The following ARID4B variants were observed in gnomAD, a reference collection of about 807,000 sequenced individuals.
ARID4B encodes the protein AT-rich interactive domain-containing protein 4B.
In ARID4B, 26 loss-of-function variants were observed where a neutral mutation model predicts 147.5. The ratio of observed to expected loss-of-function variants is 0.18; its 90% confidence interval spans 0.13 to 0.24. ARID4B has a LOEUF of 0.24. Ranked by LOEUF, ARID4B falls within the 10% of genes least tolerant of loss-of-function variation. ARID4B has a pLI of 1.00. For missense variants in ARID4B, 1,179 were observed against 1,511.5 expected (o/e 0.78, Z 3.65); for synonymous variants, 512 against 507.9 (o/e 1.01, Z -0.11).
At chr1:235,220,010 T>G in intron 15 of ARID4B, 42 bp from the exon 16 acceptor site, 1 of 1,333,862 alleles carries the variant, frequency 7.5e-7, no homozygotes, top group Non-Finnish European at 1.0e-6. Context: ...AAAGTAAAAA[T>G]TTTCAACCTA....
intron 2 of ARID4B, among the ~76,000 whole-genome samples, chr1:235,276,454 T>A (rs1001258272): frequency 6.6e-5 from 10 of 152,086 alleles, no homozygotes; most frequent in African/African-American, 2.2e-4. Context: ...ACATTTCTAC[T>A]CATATTTTTC....
chr1:235,168,799 ACG>A, intron 23 of ARID4B, 147 bp from the exon 24 acceptor site: 1 of 854,956 alleles, frequency 1.2e-6, no homozygotes, highest in Admixed American at 3.0e-5. Context: ...TCACAGTTCT[ACG>A]ATGTGAAGAA....
chr1:235,199,371 T>A (rs938757381), intron 17 of ARID4B, among the ~76,000 whole-genome samples: 7 of 152,204 alleles, frequency 4.6e-5, no homozygotes, highest in Non-Finnish European at 1.0e-4. Flanking sequence ...CATTTTTTTT[T>A]ACCTTGCCAA....
intron 3 of ARID4B, 39 bp downstream of exon 3, chr1:235,260,603 T>G: frequency 6.9e-7 from 1 of 1,447,906 alleles, no homozygotes; most frequent in Non-Finnish European, 9.4e-7. Context: ...ACATATCAAA[T>G]GCTGAACATA....
At chr1:235,193,851 T>C (rs1665292494) in intron 19 of ARID4B, among the ~76,000 whole-genome samples, 162 bp downstream of exon 19, 1 of 152,188 alleles carries the variant, frequency 6.6e-6, no homozygotes, top group Non-Finnish European at 1.5e-5. Flanking sequence ...ACATTTCTGG[T>C]TCCAAGAATT....
chr1:235,269,073 G>A (rs1251985838), intron 2 of ARID4B, among the ~76,000 whole-genome samples: 1 of 152,140 alleles, frequency 6.6e-6, no homozygotes, highest in Non-Finnish European at 1.5e-5. Flanking sequence ...TAAGATCTGT[G>A]TATTCCACAG....
intron 3 of ARID4B, 100 bp downstream of exon 3, chr1:235,260,542 A>G (rs1340406406): frequency 3.7e-6 from 3 of 816,144 alleles, no homozygotes; most frequent in Non-Finnish European, 3.7e-6. Context: ...CTTCACTCCT[A>G]GAAACTTATT....
At chr1:235,316,757 T>C (rs1057031046) in intron 2 of ARID4B, among the ~76,000 whole-genome samples, 7 of 152,008 alleles carry the variant, frequency 4.6e-5, no homozygotes, top group African/African-American at 1.7e-4. Context: ...AGCCGAGTGT[T>C]GCAGTGAGCT....
chr1:235,182,668 T>C lies in ARID4B; in HGVS notation c.2251A>G (p.Lys751Glu), dbSNP rs1420973188. The C allele has an allele frequency of 1.5e-5, 24 of 1,613,776 alleles. No homozygotes were observed. Among genetic ancestry groups the C allele is most frequent in the Non-Finnish European group, 1.9e-5 (23 of 1,180,028 alleles). ...LTNNRNDLISKEEQNSSSLLE... is the reference protein window; with the variant it reads ...LTNNRNDLISEEEQNSSSLLE... ...AAAGATGAACTGTTCTGTTCCTCCT[T>C]TGAAATAAGATCATTTCTGTTGTTG... The change falls in exon 20 of 24, where the codon AAG becomes GAG. Residue 751 changes from lysine (K) to glutamate (E), a missense_variant. Physicochemically the swap from Lys to Glu is moderately conservative, Grantham distance 56. Transcript: ENST00000264183.
intron 5 of ARID4B, among the ~76,000 whole-genome samples, chr1:235,255,269 ATCTCTCTCTC>A (rs58782902): frequency 7.6e-6 from 1 of 131,616 alleles, no homozygotes; most frequent in African/African-American, 2.8e-5. Flanking sequence ...ATAGATATAT[ATCTCTCTCTC>A]TCTCTCTCTA....
At chr1:235,196,198 A>G in intron 17 of ARID4B, 83 bp from the exon 18 acceptor site, 1 of 649,606 alleles carries the variant, frequency 1.5e-6, no homozygotes. Context: ...AAACTCATAT[A>G]GAATCTTGAC....
chr1:235,193,990 A>C lies in ARID4B; in HGVS notation c.2125+23T>G, dbSNP rs770558704. On this transcript the variant is annotated intron_variant, in intron 19 of 23. Transcript: ENST00000264183. ...ATAAATTAAAATCAAATACTTGCAC[A>C]ACAGAACGATTGTTATGTTTACCTT... The C allele has an allele frequency of 2.0e-5, 30 of 1,500,352 alleles. No homozygotes were observed. The South Asian group carries it at 3.4e-4, about 17-fold the overall frequency. The allele number at this position is 1,500,352 out of a possible 1,614,324, so 92.9% of individuals were successfully genotyped here. A position where few individuals can be genotyped will look rare whatever the true frequency, so the allele number is the denominator to read the frequency against.
chr1:235,229,043 T>C (rs1668034628), intron 11 of ARID4B, 188 bp downstream of exon 11: 1 of 641,778 alleles, frequency 1.6e-6, no homozygotes, highest in Non-Finnish European at 2.5e-6. Context: ...ATTTTCTATT[T>C]CACAAGATCA....
At chr1:235,169,543 T>C (rs1663182125) in intron 23 of ARID4B, among the ~76,000 whole-genome samples, 1 of 141,398 alleles carries the variant, frequency 7.1e-6, no homozygotes, top group Non-Finnish European at 1.5e-5. Context: ...GCCCAGCCTG[T>C]TTGTTTTTTT....
At chr1:235,197,772 C>A (rs1665603508) in intron 17 of ARID4B, among the ~76,000 whole-genome samples, 1 of 152,224 alleles carries the variant, frequency 6.6e-6, no homozygotes, top group Admixed American at 6.5e-5. Context: ...GGTGTAAGTA[C>A]AAATATATGG....
intron 2 of ARID4B, among the ~76,000 whole-genome samples, chr1:235,271,369 C>A (rs1670975637): frequency 6.6e-6 from 1 of 151,752 alleles, no homozygotes; most frequent in Non-Finnish European, 1.5e-5. Flanking sequence ...ATGGCTCACA[C>A]CTGTAATCAC....
intron 2 of ARID4B, among the ~76,000 whole-genome samples, chr1:235,306,041 TATG>T (rs1303240447): frequency 6.6e-6 from 1 of 152,228 alleles, no homozygotes; most frequent in Non-Finnish European, 1.5e-5. Context: ...AAAATTATCA[TATG>T]ATAATAACAA....
At position 235,326,977 on chromosome 1, in the gene ARID4B, G is replaced by T. The variant is rs955358024; in HGVS notation, c.-49-9C>A. Reference sequence around the variant, plus strand: ...ACCAGGTTCAGCTGCACCTGGAGGGGAAACAAAAGACACCCAGTCAACACC... The same window carrying T: ...ACCAGGTTCAGCTGCACCTGGAGGGTAAACAAAAGACACCCAGTCAACACC... On this transcript the variant is annotated splice_polypyrimidine_tract_variant and intron_variant, in intron 1 of 23. Transcript: ENST00000264183. 8.8e-6 allele frequency: 14 copies of T among 1,584,088 alleles called. No individual in the cohort carries two copies. The African/African-American group carries it at 1.9e-4, about 21-fold the overall frequency.
At chr1:235,309,489 G>A (rs9661301) in intron 2 of ARID4B, among the ~76,000 whole-genome samples, 32,878 of 121,462 alleles carry the variant, frequency 0.27, 5,650 homozygotes, top group South Asian at 0.5. Context: ...CTGCCCGGCC[G>A]CCCCTACTGG....
Sources: allele counts gnomAD v4.1 joint callset (sites outside exome capture counted in the v4.1 genomes callset), GRCh38; gene constraint gnomAD v4.1.1; transcripts MANE v1.5; gene names NCBI Gene and HGNC (gene_info 2026-07-23, HGNC 2026-07-21).